KCTD1: variants seen among roughly 807,000 people sequenced by gnomAD.
The protein encoded by KCTD1 is BTB/POZ domain-containing protein KCTD1.
A neutral mutation model predicts 66.0 loss-of-function variants in KCTD1; 24 were observed. The observed-to-expected ratio is 0.36, with a 90% CI of 0.26 to 0.51. The LOEUF (loss-of-function observed/expected upper bound fraction) is 0.51. KCTD1 is among the 20% of genes least tolerant of loss of function. KCTD1 has a pLI of 0.95. For missense variants in KCTD1, 943 were observed against 1,205.2 expected (o/e 0.78, Z 3.22); for synonymous variants, 511 against 517.2 (o/e 0.99, Z 0.16).
At chr18:26,606,645 C>A (rs1019431015) in intron 1 of KCTD1, among the ~76,000 whole-genome samples, 3 of 152,232 alleles carry the variant, frequency 2.0e-5, no homozygotes, top group Non-Finnish European at 2.9e-5. Context: ...AGGCCAAGTG[C>A]AGTGCTGCAC....
rs111759090 is a variant in KCTD1, at chr18:26,511,891, AG to A, written c.1810-10642del. Among the ~76,000 whole-genome samples the A allele has an allele frequency of 5.0e-3, 758 of 152,306 alleles. 8 individuals are homozygous for A. Among genetic ancestry groups the A allele is most frequent in the African/African-American group, 0.017 (714 of 41,548 alleles). ...AGAGAAGGCGGGGACCAGCTGGCCC[AG>A]GAAGTGGACACCTCCCCTGCCACAG... On this transcript the variant is annotated intron_variant, in intron 1 of 4. Transcript: ENST00000580059.
intron 1 of KCTD1, among the ~76,000 whole-genome samples, chr18:26,546,420 C>G (rs1207061017): frequency 6.6e-6 from 1 of 152,200 alleles, no homozygotes; most frequent in Non-Finnish European, 1.5e-5. Flanking sequence ...TTATAAAACT[C>G]ATGCATTCAA....
chr18:26,503,935 C>T (rs971102940), intron 1 of KCTD1, among the ~76,000 whole-genome samples: 16 of 152,226 alleles, frequency 1.1e-4, no homozygotes, highest in African/African-American at 2.7e-4. Flanking sequence ...TTCTCCTAGG[C>T]GCTTTCCCCA....
chr18:26,646,085 G>A (rs576297643), intron 1 of KCTD1, among the ~76,000 whole-genome samples: 7 of 152,328 alleles, frequency 4.6e-5, no homozygotes, highest in Non-Finnish European at 8.8e-5. Flanking sequence ...AGAAAAATAT[G>A]AGTCCAATAG....
chr18:26,600,361 C>A (rs1305042499), intron 1 of KCTD1: 17 of 1,244,502 alleles, frequency 1.4e-5, no homozygotes, highest in Non-Finnish European at 1.9e-5. Context: ...TGACATGGGA[C>A]CCATCTGCTC....
intron 2 of KCTD1, among the ~76,000 whole-genome samples, chr18:26,484,084 T>G (rs533199489): frequency 1.2e-4 from 19 of 152,358 alleles, no homozygotes; most frequent in African/African-American, 4.3e-4. Context: ...ATTTGTTGTT[T>G]CAGAAGTCTG....
intron 1 of KCTD1, among the ~76,000 whole-genome samples, chr18:26,503,455 G>A (rs140138198): frequency 4.6e-5 from 7 of 152,090 alleles, no homozygotes; most frequent in East Asian, 3.9e-4. Context: ...TAAGAGATAC[G>A]TACTGACTTC....
chr18:26,460,009 C>T (rs1980331331), intron 3 of KCTD1, 84 bp from the exon 4 acceptor site: 2 of 1,027,992 alleles, frequency 1.9e-6, no homozygotes, highest in Non-Finnish European at 2.8e-6. Flanking sequence ...GATTTTTTTC[C>T]ACTTCTTGTT....
chr18:26,630,956 T>A (rs1987606195), upstream of KCTD1, among the ~76,000 whole-genome samples: 2 of 152,060 alleles, frequency 1.3e-5, no homozygotes, highest in South Asian at 4.1e-4. Context: ...AAAACTTCCA[T>A]CTGCAACTGC....
At chr18:26,545,724 G>A (rs889278407) in intron 1 of KCTD1, 2 of 151,948 alleles carry the variant, frequency 1.3e-5, no homozygotes, top group African/African-American at 4.8e-5. Context: ...AGACTAGAGA[G>A]TGTCCAAAAC....
intron 1 of KCTD1, among the ~76,000 whole-genome samples, chr18:26,527,482 C>CAAA (rs1342328848): frequency 1.6e-5 from 1 of 62,890 alleles, no homozygotes. Flanking sequence ...AGGGCTACTG[C>CAAA]AAAAAAAAAA....
In KCTD1 at chr18:26,475,020, T is replaced by A. The variant is rs564216461; in HGVS notation, c.2133+1495A>T. ...GACTATTGCTTTCTTTTCCCACTGA[T>A]GTGAAATGCCACCTTTATGGTACAT... is the stretch of plus-strand genomic sequence containing the variant. On this transcript the variant is annotated intron_variant, in intron 3 of 4. Coordinates refer to ENST00000580059, the MANE Select transcript of KCTD1 (RefSeq NM_001142730.3). Among the ~76,000 whole-genome samples the A allele has an allele frequency of 2.4e-4, 36 of 152,360 alleles. No homozygotes were observed. The South Asian group carries it at 7.3e-3, about 31-fold the overall frequency.
At chr18:26,577,240 T>C (rs894838608) in intron 1 of KCTD1, among the ~76,000 whole-genome samples, 2 of 152,240 alleles carry the variant, frequency 1.3e-5, no homozygotes, top group Non-Finnish European at 2.9e-5. Flanking sequence ...CTCAGCTTCA[T>C]CATCCATCAC....
At chr18:26,590,687 T>C (rs534263744) in intron 1 of KCTD1, among the ~76,000 whole-genome samples, 1 of 152,238 alleles carries the variant, frequency 6.6e-6, no homozygotes, top group Admixed American at 6.5e-5. Flanking sequence ...ACTGCAAATA[T>C]TCACTTATTT....
upstream of KCTD1, among the ~76,000 whole-genome samples, chr18:26,643,637 A>G (rs560991713): frequency 6.6e-6 from 1 of 152,342 alleles, no homozygotes; most frequent in East Asian, 1.9e-4. Flanking sequence ...GGAATGAAAT[A>G]AGAAGTTAGC....
intron 1 of KCTD1, among the ~76,000 whole-genome samples, chr18:26,505,033 C>A (rs1982960302): frequency 6.6e-6 from 1 of 152,274 alleles, no homozygotes; most frequent in Non-Finnish European, 1.5e-5. Flanking sequence ...CAGCCTCCCA[C>A]CTCTAGATTT....
intron 1 of KCTD1, among the ~76,000 whole-genome samples, chr18:26,648,659 G>A (rs997510464): frequency 3.3e-5 from 5 of 152,230 alleles, no homozygotes; most frequent in South Asian, 2.1e-4. Flanking sequence ...AATATGTAAC[G>A]TTCCTAGCAT....
intron 1 of KCTD1, among the ~76,000 whole-genome samples, chr18:26,513,649 T>C (rs1983473468): frequency 6.6e-6 from 1 of 152,240 alleles, no homozygotes; most frequent in South Asian, 2.1e-4. Context: ...TCACTTCAGC[T>C]TTCCCATTTA....
At chr18:26,477,176 C>T (rs1196116117) in intron 2 of KCTD1, among the ~76,000 whole-genome samples, 1 of 152,152 alleles carries the variant, frequency 6.6e-6, no homozygotes, top group African/African-American at 2.4e-5. Flanking sequence ...TTTAAAATGT[C>T]ACTCATCTAG....
Sources: allele counts gnomAD v4.1 joint callset (sites outside exome capture counted in the v4.1 genomes callset), GRCh38; gene constraint gnomAD v4.1.1; transcripts MANE v1.5; gene names NCBI Gene and HGNC (gene_info 2026-07-23, HGNC 2026-07-21).